PRKACA: variants seen among roughly 807,000 people sequenced by gnomAD.
PRKACA encodes protein kinase cAMP-activated catalytic subunit alpha.
A neutral mutation model predicts 45.8 loss-of-function variants in PRKACA; 9 were observed. That is an observed-to-expected ratio of 0.20 (90% CI 0.12 to 0.34). The LOEUF is 0.34. Ranked by LOEUF, PRKACA falls within the 10% of genes least tolerant of loss-of-function variation. PRKACA has a pLI of 1.00. For synonymous variants in PRKACA, 160 were observed against 178.6 expected (o/e 0.90, Z 0.83); for missense variants, 238 against 458.6 (o/e 0.52, Z 4.39).
In PRKACA at chr19:14,097,300, G is replaced by A; in HGVS notation, c.765+61C>T. ...ACAAGCAGGGCTCCCCAGGGAATAG[G>A]ATGGGTGAGCAGGGAACGGTCTGTT... On this transcript the variant is annotated intron_variant, in intron 8 of 9. Transcript: ENST00000308677. This position sits in a 1 kb window ranked among gnomAD's most constrained non-coding sequence, Gnocchi z 5.4. 6.2e-7 allele frequency: 1 copy of A among 1,608,618 alleles called. No individual in the cohort carries two copies. Among genetic ancestry groups the A allele is most frequent in the Non-Finnish European group, 8.5e-7 (1 of 1,175,662 alleles).
In PRKACA at chr19:14,102,667, C is replaced by T. The variant is rs571422567; in HGVS notation, c.336+149G>A. On this transcript the variant is annotated intron_variant, in intron 4 of 9. Transcript: ENST00000308677. ...GGTCTACCAGAGTCCCAGCCTGACT[C>T]CTGTCCCCTGATCTCCCTCCTCCAG... The T allele has an allele frequency of 2.1e-5, 15 of 702,462 alleles. No individual in the cohort carries two copies. The African/African-American group carries it at 2.3e-4, about 11-fold the overall frequency. The allele number at this position is 702,462 out of a possible 1,614,324, so 43.5% of individuals were successfully genotyped here.
At position 14,109,348 on chromosome 19, in the gene PRKACA, G is replaced by C. The variant is rs115758762; in HGVS notation, c.47-1939C>G. 3.7e-3 allele frequency among the ~76,000 whole-genome samples: 557 copies of C among 151,978 alleles called. 5 individuals carry two copies. The highest frequency in any genetic ancestry group is 0.013 in the African/African-American group (538 of 41,498). ...AAGTACAAAAAAATCAGCCGGGCAT[G>C]GTGGCAGGAGAATCGCTTCGACCCG... is the stretch of plus-strand genomic sequence containing the variant. On this transcript the variant is annotated intron_variant, in intron 1 of 9. Transcript: ENST00000308677.
intron 8 of PRKACA, among the ~76,000 whole-genome samples, chr19:14,095,192 A>G (rs1977209930): frequency 7.3e-6 from 1 of 137,050 alleles, no homozygotes; most frequent in South Asian, 2.2e-4. Context: ...TTTTTTTGAG[A>G]TGGAGTCTTG....
At chr19:14,100,090 G>A (rs544626971) in intron 5 of PRKACA, among the ~76,000 whole-genome samples, 9 of 151,890 alleles carry the variant, frequency 5.9e-5, no homozygotes, top group African/African-American at 1.7e-4. Context: ...TGATCCGCCC[G>A]CCTCGGCCTC....
chr19:14,097,305 G>C lies in PRKACA; in HGVS notation c.765+56C>G. Reference sequence around the variant, plus strand: ...CAGGGCTCCCCAGGGAATAGGATGGGTGAGCAGGGAACGGTCTGTTTCTTC... The same window carrying C: ...CAGGGCTCCCCAGGGAATAGGATGGCTGAGCAGGGAACGGTCTGTTTCTTC... On this transcript the variant is annotated intron_variant, in intron 8 of 9. Transcript: ENST00000308677. The surrounding 1 kb of genome is among the most constrained non-coding windows in gnomAD (Gnocchi z 5.4). The C allele has an allele frequency of 6.2e-7, 1 of 1,611,468 alleles. No homozygotes were observed. Among genetic ancestry groups the C allele is most frequent in the Non-Finnish European group, 8.5e-7 (1 of 1,178,118 alleles).
At chr19:14,099,174 C>G (rs1977364881) in intron 5 of PRKACA, among the ~76,000 whole-genome samples, 3 of 152,052 alleles carry the variant, frequency 2.0e-5, no homozygotes, top group Admixed American at 2.0e-4. Context: ...CACCTGTAGT[C>G]CCAGCTACTT....
At chr19:14,094,211 A>T (rs1977180975) in intron 8 of PRKACA, among the ~76,000 whole-genome samples, 1 of 147,114 alleles carries the variant, frequency 6.8e-6, no homozygotes, top group Admixed American at 7.0e-5. Context: ...AAAAAAAAAA[A>T]ATAGCCTCAC....
chr19:14,093,553 T>G (rs1461375874), intron 9 of PRKACA, 75 bp downstream of exon 9: 1 of 1,515,822 alleles, frequency 6.6e-7, no homozygotes, highest in Admixed American at 2.0e-5. Context: ...CTCTTCTCTA[T>G]TTCTCTATTG....
rs1024121716 is a variant in PRKACA at position 14,091,762 on chromosome 19, C to G, written c.*1350G>C. On this transcript the variant is annotated 3_prime_UTR_variant, in exon 10 of 10. Transcript: ENST00000308677. ...AACAGCACACTGTTCAAGAGGAAGT[C>G]TCGTCCTTCGCAGCACACAGGTTGA... The G allele has an allele frequency of 6.6e-5, 10 of 152,520 alleles. No homozygotes were observed. Among genetic ancestry groups the G allele is most frequent in the African/African-American group, 2.4e-4 (10 of 41,434 alleles). The allele number at this position is 152,520 out of a possible 1,614,324, so 9.4% of individuals were successfully genotyped here.
At chr19:14,114,004 T>C in intron 1 of PRKACA, 1 of 1,111,202 alleles carries the variant, frequency 9.0e-7, no homozygotes, top group Non-Finnish European at 1.3e-6. Flanking sequence ...CAGGAGGCGT[T>C]TCCAGGGCCA....
At chr19:14,102,666 T>C in intron 4 of PRKACA, 150 bp downstream of exon 4, 1 of 697,792 alleles carries the variant, frequency 1.4e-6, no homozygotes, top group South Asian at 1.7e-5. Flanking sequence ...CCAGCCTGAC[T>C]CCTGTCCCCT....
At position 14,093,057 on chromosome 19, in the gene PRKACA, C is replaced by T. The variant is rs1471162281; in HGVS notation, c.*55G>A. 3.0e-6 allele frequency: 4 copies of T among 1,340,116 alleles called. No homozygotes were observed. The highest frequency in any genetic ancestry group is 1.5e-5 in the African/African-American group (1 of 64,810). The allele number at this position is 1,340,116 out of a possible 1,614,324, so 83.0% of individuals were successfully genotyped here. On this transcript the variant is annotated 3_prime_UTR_variant, in exon 10 of 10. Coordinates refer to ENST00000308677, the MANE Select transcript of PRKACA (RefSeq NM_002730.4). ...GTTCAATCCAACCCTCCCACCCCCC[C>T]GACCAAAAAAAAGAAAAAAGAAAAA...
rs560012372 is a variant in PRKACA at position 14,093,292 on chromosome 19, C to G, written c.931-55G>C. On this transcript the variant is annotated intron_variant, in intron 9 of 9. Transcript: ENST00000308677. ...TCAGCATTCAACATAATCATTATTA[C>G]AACAATAAATGCGAATGGCCTAACA... 1.5e-5 allele frequency: 23 copies of G among 1,584,288 alleles called. 1 individual carries two copies. In the Admixed American group the frequency reaches 3.3e-4, roughly 23 times the overall value.
chr19:14,116,299 T>C (rs537789967), intron 1 of PRKACA, among the ~76,000 whole-genome samples: 63 of 152,242 alleles, frequency 4.1e-4, no homozygotes, highest in African/African-American at 1.5e-3. Context: ...AGATAGAGAA[T>C]CTCTTTCTCT....
At chr19:14,100,958 G>A (rs560004578) in intron 4 of PRKACA, 50 bp from the exon 5 acceptor site, 12 of 1,539,722 alleles carry the variant, frequency 7.8e-6, no homozygotes, top group South Asian at 3.4e-5. Flanking sequence ...ACTTGGACCC[G>A]ATCTGAAGGC....
intron 1 of PRKACA, chr19:14,108,264 G>C (rs1288441183): frequency 1.8e-6 from 1 of 565,480 alleles, no homozygotes; most frequent in African/African-American, 2.0e-5. Flanking sequence ...CTAGGCCTCA[G>C]TTTTCCTCAT....
rs1977612765 is a variant in PRKACA at position 14,106,626 on chromosome 19, C to T, written c.237+134G>A. 2.3e-6 allele frequency: 3 copies of T among 1,288,452 alleles called. No individual in the cohort carries two copies. The African/African-American group carries it at 4.4e-5, about 19-fold the overall frequency. 79.8% of individuals were successfully genotyped at this position (1,288,452 alleles called of 1,614,324 possible). On this transcript the variant is annotated intron_variant, in intron 3 of 9. Coordinates refer to ENST00000308677, the MANE Select transcript of PRKACA (RefSeq NM_002730.4). Reference sequence around the variant, plus strand: ...CCGAGATCACGCCACTGTACTCCAGCCTGAGCGACAGAGCGAGACTCTGAA... The same window carrying T: ...CCGAGATCACGCCACTGTACTCCAGTCTGAGCGACAGAGCGAGACTCTGAA...
intron 1 of PRKACA, 120 bp from the exon 2 acceptor site, chr19:14,107,529 T>G: frequency 2.2e-6 from 3 of 1,335,492 alleles, no homozygotes; most frequent in South Asian, 2.7e-5. Context: ...GAGCCTGACC[T>G]TTTTCTGGTG....
Position 14,097,437 on chromosome 19 carries a change from T to C in PRKACA, c.689A>G (p.Tyr230Cys). Residue 230 changes from tyrosine (Y) to cysteine (C), a missense_variant, in exon 8 of 10, where the codon TAT becomes TGT. Physicochemically the swap from Tyr to Cys is radical, Grantham distance 194 (BLOSUM62 -2). Around this residue, in one of 3 missense-constraint regions of PRKACA, gnomAD observed 94 missense variants for 240.9 expected, o/e 0.39. Transcript: ENST00000308677. This position sits in a 1 kb window ranked among gnomAD's most constrained non-coding sequence, Gnocchi z 5.4. The part of the protein sequence containing the change: ...VDWWALGVLI[Y>C]EMAAGYPPFF... ...GGGCGGGTAGCCAGCGGCCATTTCATAGATAAGAACCCCCAGGGCCCACCA... is the reference window on the plus strand; with the variant it reads ...GGGCGGGTAGCCAGCGGCCATTTCACAGATAAGAACCCCCAGGGCCCACCA... 6.2e-7 allele frequency: 1 copy of C among 1,613,950 alleles called. No individual in the cohort carries two copies. The highest frequency in any genetic ancestry group is 8.5e-7 in the Non-Finnish European group (1 of 1,180,010).
Sources: allele counts gnomAD v4.1 joint callset (sites outside exome capture counted in the v4.1 genomes callset), GRCh38; gene constraint gnomAD v4.1.1; regional missense constraint gnomAD v4.1.1; non-coding constraint Gnocchi (gnomAD v3.1); transcripts MANE v1.5; gene names NCBI Gene and HGNC (gene_info 2026-07-23, HGNC 2026-07-21).